DAW1: variants seen among roughly 807,000 people sequenced by gnomAD.
DAW1 encodes the protein dynein assembly factor with WD repeats 1, also known as dynein assembly factor with WD repeat domains 1.
Under a neutral mutation model 56.5 loss-of-function variants are expected in DAW1, and 47 were observed. The ratio of observed to expected loss-of-function variants is 0.83; its 90% confidence interval spans 0.66 to 1.06. The LOEUF is 1.06. Among genes scored for constraint, DAW1 ranks in the 50% least tolerant of loss-of-function variants. The probability of loss-of-function intolerance (pLI) is 0.00; values close to 1 mark genes in which losing one functional copy is unlikely to be tolerated. For synonymous variants in DAW1, 190 were observed against 179.0 expected, an observed-to-expected ratio of 1.06 and a Z score of -0.49; for missense variants, 505 against 499.3, an observed-to-expected ratio of 1.01 and a Z score of -0.11.
At chr2:227,886,383 G>A (rs559679335) in intron 2 of DAW1, among the ~76,000 whole-genome samples, 21 of 152,192 alleles carry the variant, frequency 1.4e-4, no homozygotes, top group African/African-American at 4.8e-4. Context: ...TTAGGAGGCC[G>A]AGGCAGCAGG....
At chr2:227,898,063 T>C (rs1323183004) in intron 5 of DAW1, 119 bp from the exon 6 acceptor site, 3 of 453,618 alleles carry the variant, frequency 6.6e-6, no homozygotes, top group African/African-American at 2.1e-5. Flanking sequence ...AAATTTAAGA[T>C]TGCTTATAGC....
intron 3 of DAW1, among the ~76,000 whole-genome samples, chr2:227,890,914 G>T (rs1460645594): frequency 6.6e-6 from 1 of 152,210 alleles, no homozygotes; most frequent in East Asian, 1.9e-4. Flanking sequence ...GTTAGATGTT[G>T]TAGGGATTGA....
intron 10 of DAW1, among the ~76,000 whole-genome samples, chr2:227,918,270 G>A (rs1352805566): frequency 6.6e-6 from 1 of 152,034 alleles, no homozygotes; most frequent in Non-Finnish European, 1.5e-5. Flanking sequence ...CGCTTTTGGC[G>A]CTGGAGGCAG....
chr2:227,903,775 A>C (rs1333175872), intron 7 of DAW1, among the ~76,000 whole-genome samples: 1 of 151,802 alleles, frequency 6.6e-6, no homozygotes, highest in East Asian at 1.9e-4. Context: ...GCCAGATGGG[A>C]AATTCAGTTT....
intron 1 of DAW1, among the ~76,000 whole-genome samples, chr2:227,882,812 C>T (rs1007366253): frequency 6.6e-6 from 1 of 152,114 alleles, no homozygotes; most frequent in African/African-American, 2.4e-5. Flanking sequence ...TTTGGTAGTT[C>T]CTCCTGCATT....
At chr2:227,891,395 T>A in intron 4 of DAW1, 82 bp downstream of exon 4, 1 of 1,173,818 alleles carries the variant, frequency 8.5e-7, no homozygotes, top group Non-Finnish European at 1.3e-6. Context: ...GTTAGATAAG[T>A]ACATAATATA....
At chr2:227,912,342 C>T (rs1206470016) in intron 10 of DAW1, 2 of 1,304,150 alleles carry the variant, frequency 1.5e-6, no homozygotes, top group African/African-American at 1.5e-5. Context: ...AAGCGATTCT[C>T]CTGCCTCAGC....
chr2:227,909,009 C>A (rs546163554), intron 10 of DAW1, among the ~76,000 whole-genome samples: 7 of 152,230 alleles, frequency 4.6e-5, no homozygotes, highest in African/African-American at 1.4e-4. Flanking sequence ...TGTCATGTAT[C>A]TGACTATGTT....
chr2:227,919,196 G>GAA (rs199807073), intron 11 of DAW1, among the ~76,000 whole-genome samples: 5 of 108,040 alleles, frequency 4.6e-5, no homozygotes, highest in Non-Finnish European at 9.1e-5. Context: ...ACCCTATCTA[G>GAA]AAAAAAAAAA....
chr2:227,872,840 C>G (rs1690789395), intron 1 of DAW1, among the ~76,000 whole-genome samples: 1 of 152,156 alleles, frequency 6.6e-6, no homozygotes, highest in South Asian at 2.1e-4. Context: ...CCCTCCATTC[C>G]AGCCACCATT....
At chr2:227,872,565 C>T (rs1173250825) in intron 1 of DAW1, among the ~76,000 whole-genome samples, 1 of 152,104 alleles carries the variant, frequency 6.6e-6, no homozygotes, top group Admixed American at 6.6e-5. Flanking sequence ...CCAGTCCCAT[C>T]CCAATCCTGC....
At chr2:227,876,534 T>A (rs7571353) in intron 1 of DAW1, 613,689 of 1,286,946 alleles carry the variant, frequency 0.48, 149,603 homozygotes, top group Admixed American at 0.61. Flanking sequence ...TAGGAAAAAT[T>A]ATTCCACTGA....
At chr2:227,918,957 G>A in intron 11 of DAW1, 101 bp downstream of exon 11, 1 of 1,199,382 alleles carries the variant, frequency 8.3e-7, no homozygotes, top group Non-Finnish European at 1.2e-6. Context: ...CACTTTGAGA[G>A]GAAAAGGTGA....
rs369125972 is a variant in DAW1 at position 227,923,493 on chromosome 2, T to A, written c.1214-441T>A. Reference sequence around the variant, plus strand: ...GAAAACCAGTAGTGCCCACTGATGATGAGAAAAACCCCCTAAAATTTTGAA... The same window carrying A: ...GAAAACCAGTAGTGCCCACTGATGAAGAGAAAAACCCCCTAAAATTTTGAA... On this transcript the variant is annotated intron_variant, in intron 12 of 12. Transcript: ENST00000309931. 8.5e-5 allele frequency among the ~76,000 whole-genome samples: 13 copies of A among 152,304 alleles called. No homozygotes were observed. The East Asian group carries it at 1.5e-3, about 18-fold the overall frequency.
intron 10 of DAW1, among the ~76,000 whole-genome samples, chr2:227,914,224 A>G (rs1324435773): frequency 6.6e-6 from 1 of 152,018 alleles, no homozygotes; most frequent in South Asian, 2.1e-4. Flanking sequence ...ATGATCCTGT[A>G]CTGAGGATTA....
intron 1 of DAW1, among the ~76,000 whole-genome samples, chr2:227,884,328 C>G (rs561976879): frequency 6.6e-6 from 1 of 152,046 alleles, no homozygotes; most frequent in African/African-American, 2.4e-5. Context: ...ACCTCTGATT[C>G]ATCTTGGTAT....
chr2:227,903,107 A>G lies in DAW1; in HGVS notation c.646A>G (p.Arg216Gly), dbSNP rs1163082963. The G allele has an allele frequency of 6.2e-7, 1 of 1,613,532 alleles. No individual in the cohort carries two copies. The highest frequency in any genetic ancestry group is 1.7e-5 in the Admixed American group (1 of 60,010). ...IQNGEEVYTL[R>G]GHSAEIISLS... ...GAATGGCGAGGAAGTTTACACCTTA[A>G]GAGTATGTCAATAATGTTAATAAGC... Residue 216 changes from arginine (R) to glycine (G), a missense_variant and splice_region_variant, in exon 7 of 13, where the codon AGA (arginine) becomes GGA (glycine). Coordinates refer to ENST00000309931, the MANE Select transcript of DAW1 (RefSeq NM_178821.3).
chr2:227,902,882 G>A, intron 6 of DAW1, 120 bp from the exon 7 acceptor site: 1 of 1,040,512 alleles, frequency 9.6e-7, no homozygotes. Context: ...CATACGTGGG[G>A]TTTTGTACAA....
chr2:227,880,498 A>G (rs949131152), intron 1 of DAW1, among the ~76,000 whole-genome samples: 2 of 152,074 alleles, frequency 1.3e-5, no homozygotes, highest in South Asian at 2.1e-4. Context: ...TCTTTAGTAC[A>G]AAAGAACTAC....
Sources: allele counts gnomAD v4.1 joint callset (sites outside exome capture counted in the v4.1 genomes callset), GRCh38; gene constraint gnomAD v4.1.1; transcripts MANE v1.5; gene names NCBI Gene and HGNC (gene_info 2026-07-23, HGNC 2026-07-21).